STXBP4: variants seen among roughly 807,000 people sequenced by gnomAD.
STXBP4 encodes syntaxin-binding protein 4.
STXBP4 carries 55 observed loss-of-function variants against 76.1 expected under a neutral mutation model. The observed-to-expected ratio is 0.72, with a 90% CI of 0.58 to 0.91. The LOEUF is 0.91. Among genes scored for constraint, STXBP4 ranks in the 40% least tolerant of loss-of-function variants. STXBP4 has a pLI of 0.00. For missense variants in STXBP4, 618 were observed against 636.9 expected (o/e 0.97, Z 0.32); for synonymous variants, 201 against 220.2 (o/e 0.91, Z 0.77).
At chr17:55,016,964 G>A (rs1240410720) in intron 8 of STXBP4, among the ~76,000 whole-genome samples, 2 of 152,134 alleles carry the variant, frequency 1.3e-5, no homozygotes, top group African/African-American at 4.8e-5. Flanking sequence ...CCTCTGGGCC[G>A]TCCGTGGGTT....
chr17:55,067,436 A>T (rs967049478), intron 12 of STXBP4, among the ~76,000 whole-genome samples: 3 of 152,202 alleles, frequency 2.0e-5, no homozygotes, highest in African/African-American at 7.2e-5. Context: ...ATATATACCT[A>T]GAGGATTAAT....
intron 12 of STXBP4, among the ~76,000 whole-genome samples, chr17:55,068,866 T>C (rs1176570324): frequency 6.6e-6 from 1 of 152,090 alleles, no homozygotes. Flanking sequence ...TATGTCCCAT[T>C]CAAAGCCCAT....
intron 16 of STXBP4, among the ~76,000 whole-genome samples, chr17:55,117,017 A>G (rs773424515): frequency 2.0e-4 from 31 of 151,866 alleles, no homozygotes; most frequent in Non-Finnish European, 4.0e-4. Context: ...GAATCTTTCT[A>G]GAAGGAAATT....
At chr17:55,068,994 C>A (rs1411187104) in intron 12 of STXBP4, among the ~76,000 whole-genome samples, 1 of 151,872 alleles carries the variant, frequency 6.6e-6, no homozygotes, top group Non-Finnish European at 1.5e-5. Flanking sequence ...CAACAAAAGT[C>A]CAAAGTATTG....
At position 55,090,853 on chromosome 17, in the gene STXBP4, GTC is replaced by G. The variant is rs765995545; in HGVS notation, c.1489+9672_1489+9673del. ...TTTTAAATTGTGTGTGTGTGTGTGT[GTC>G]TGTGTGTGTGTGTGTGTGTGTGTGT... On this transcript the variant is annotated intron_variant, in intron 16 of 17. Transcript: ENST00000376352. 8.1e-4 allele frequency among the ~76,000 whole-genome samples: 6 copies of G among 7,380 alleles called. No homozygotes were observed. In the South Asian group the frequency reaches 0.022, roughly 27 times the overall value. The allele number at this position is 7,380 out of a possible 152,430, so 4.8% of individuals were successfully genotyped here.
Position 54,998,674 on chromosome 17 carries a change from A to G in STXBP4, c.181-671A>G, listed in dbSNP as rs2077854718. 2.0e-5 allele frequency among the ~76,000 whole-genome samples: 3 copies of G among 152,140 alleles called. No homozygotes were observed. In the South Asian group the frequency reaches 6.2e-4, roughly 32 times the overall value. On this transcript the variant is annotated intron_variant, in intron 4 of 17. Coordinates refer to ENST00000376352, the MANE Select transcript of STXBP4 (RefSeq NM_178509.6). ...ATAGTAAAAAAGATTATGCTGAAAT[A>G]TGGGTAGGATCAATATAATTAAAAT...
At chr17:55,193,544 G>A in the STXBP4 span, among the ~76,000 whole-genome samples, 6 of 152,052 alleles carry the variant, frequency 3.9e-5, no homozygotes, top group African/African-American at 1.2e-4. Context: ...GATGGCTTGA[G>A]CTAGGCAGTA....
In STXBP4 at chr17:55,031,472, C is replaced by T. The variant is rs73990281; in HGVS notation, c.763+208C>T. On this transcript the variant is annotated intron_variant, in intron 9 of 17. Transcript: ENST00000376352. ...GCAGAAAGAAGAATTTCATTAGGAC[C>T]TTTCAGCTCTAAAATATCATCATTC... 2.5e-3 allele frequency among the ~76,000 whole-genome samples: 374 copies of T among 152,230 alleles called. 3 individuals are homozygous for T. The highest frequency in any genetic ancestry group is 8.5e-3 in the African/African-American group (355 of 41,560).
chr17:55,017,630 C>T (rs1024985543), intron 8 of STXBP4, among the ~76,000 whole-genome samples: 4 of 152,190 alleles, frequency 2.6e-5, no homozygotes, highest in Non-Finnish European at 4.4e-5. Flanking sequence ...TAGGGGTGCA[C>T]GCATGGGCGA....
chr17:54,985,896 A>G (rs1275572455), intron 2 of STXBP4, among the ~76,000 whole-genome samples: 5 of 152,182 alleles, frequency 3.3e-5, no homozygotes, highest in Non-Finnish European at 7.3e-5. Context: ...AAGATGTTAT[A>G]TAGATATGGA....
intron 6 of STXBP4, among the ~76,000 whole-genome samples, chr17:55,000,496 C>T (rs996389977): frequency 6.6e-6 from 1 of 152,188 alleles, no homozygotes. Flanking sequence ...GTCTCTGGTA[C>T]ATGCTGAACA....
intron 1 of STXBP4, among the ~76,000 whole-genome samples, chr17:54,979,021 CTA>C (rs1429286037): frequency 6.6e-6 from 1 of 152,012 alleles, no homozygotes; most frequent in Non-Finnish European, 1.5e-5. Context: ...TAATTACTAA[CTA>C]TTCTGTAATG....
At chr17:54,978,685 T>G (rs2077505589) in intron 1 of STXBP4, among the ~76,000 whole-genome samples, 2 of 152,174 alleles carry the variant, frequency 1.3e-5, no homozygotes, top group Non-Finnish European at 2.9e-5. Context: ...TTTTTTGATA[T>G]TTTTCCTTCT....
In STXBP4 at chr17:55,166,485, T is replaced by A. The variant is rs2080378124; in HGVS notation, c.*6574T>A. On this transcript the variant is annotated 3_prime_UTR_variant, in exon 18 of 18. Transcript: ENST00000376352. The stretch of plus-strand genomic sequence containing the variant: ...TCTACTATCTGAGTCCCTGGCTTTC[T>A]CCCTAGCCTCATGTCTTATCACCAA... 1.3e-5 allele frequency: 2 copies of A among 152,236 alleles called. No homozygotes were observed. The highest frequency in any genetic ancestry group is 4.8e-5 in the African/African-American group (2 of 41,458). The allele number at this position is 152,236 out of a possible 1,614,324, so 9.4% of individuals were successfully genotyped here.
chr17:55,041,646 G>C (rs2078700712), intron 10 of STXBP4, among the ~76,000 whole-genome samples: 1 of 152,140 alleles, frequency 6.6e-6, no homozygotes, highest in African/African-American at 2.4e-5. Flanking sequence ...CCATGAGCTA[G>C]TTCAAAAATC....
intron 17 of STXBP4, among the ~76,000 whole-genome samples, chr17:55,141,773 T>C (rs2080097301): frequency 6.6e-6 from 1 of 152,202 alleles, no homozygotes; most frequent in South Asian, 2.1e-4. Context: ...CACAGTTCAT[T>C]CTGCAACTAT....
At chr17:55,099,023 A>G (rs899232289) in intron 16 of STXBP4, among the ~76,000 whole-genome samples, 1 of 152,152 alleles carries the variant, frequency 6.6e-6, no homozygotes, top group Non-Finnish European at 1.5e-5. Context: ...GAATATATAT[A>G]TTTTAATTTC....
At chr17:55,212,793 A>T in the STXBP4 span, among the ~76,000 whole-genome samples, 3 of 152,166 alleles carry the variant, frequency 2.0e-5, no homozygotes, top group Non-Finnish European at 4.4e-5. Flanking sequence ...TTATCCTGTT[A>T]TCCTCTTGAG....
At chr17:55,131,898 GA>G (rs2145124444) in intron 16 of STXBP4, among the ~76,000 whole-genome samples, 1 of 152,218 alleles carries the variant, frequency 6.6e-6, no homozygotes, top group South Asian at 2.1e-4. Flanking sequence ...GAGTGTCTGG[GA>G]CTATAAGTGC....
Sources: allele counts gnomAD v4.1 joint callset (sites outside exome capture counted in the v4.1 genomes callset), GRCh38; gene constraint gnomAD v4.1.1; transcripts MANE v1.5; gene names NCBI Gene and HGNC (gene_info 2026-07-23, HGNC 2026-07-21).